Variants in FRMD5 observed in about 807,000 individuals in gnomAD.
FRMD5 encodes FERM domain containing 5.
In FRMD5, 20 loss-of-function variants were observed where a neutral mutation model predicts 69.0. That is an observed-to-expected ratio of 0.29 (90% CI 0.20 to 0.42). FRMD5 has a LOEUF of 0.42. Ranked by LOEUF, FRMD5 falls within the 10% of genes least tolerant of loss-of-function variation. The pLI is 1.00. For missense variants in FRMD5, 595 were observed against 708.6 expected (o/e 0.84, Z 1.82); for synonymous variants, 271 against 260.1 (o/e 1.04, Z -0.40).
chr15:44,120,687 T>C (rs556919642), intron 1 of FRMD5, among the ~76,000 whole-genome samples: 1 of 50,988 alleles, frequency 2.0e-5, no homozygotes, highest in East Asian at 1.1e-3. Context: ...CACGCCCAGC[T>C]AATTTTTTTT....
chr15:44,047,019 A>C (rs1892455452), intron 1 of FRMD5, among the ~76,000 whole-genome samples: 1 of 152,072 alleles, frequency 6.6e-6, no homozygotes, highest in African/African-American at 2.4e-5. Context: ...TCAATGAAAA[A>C]ACTAAGGCCA....
intron 7 of FRMD5, among the ~76,000 whole-genome samples, chr15:43,898,355 T>C (rs552176287): frequency 6.8e-4 from 104 of 152,322 alleles, no homozygotes; most frequent in African/African-American, 2.4e-3. Context: ...ATATCCCTTC[T>C]TGTCTGCATC....
At chr15:44,124,618 G>A (rs1436380017) in intron 1 of FRMD5, among the ~76,000 whole-genome samples, 2 of 152,046 alleles carry the variant, frequency 1.3e-5, no homozygotes, top group South Asian at 4.1e-4. Context: ...AGAAGCACTT[G>A]AACCTGGGAG....
At chr15:44,120,394 T>C (rs564949452) in intron 1 of FRMD5, among the ~76,000 whole-genome samples, 29 of 152,116 alleles carry the variant, frequency 1.9e-4, no homozygotes, top group South Asian at 4.2e-4. Flanking sequence ...ATTTCAAAGA[T>C]AGAACCGACA....
intron 1 of FRMD5, among the ~76,000 whole-genome samples, chr15:44,162,263 C>CTTTTTT (rs11357741): frequency 8.0e-6 from 1 of 125,056 alleles, no homozygotes; most frequent in African/African-American, 2.9e-5. Flanking sequence ...CGTGCCAGGC[C>CTTTTTT]TTTTTTTTTT....
rs146906133 is a variant in FRMD5, at chr15:43,970,753, T to C, written c.103-46444A>G. On this transcript the variant is annotated intron_variant, in intron 1 of 13. Transcript: ENST00000417257. ...CAGGCGTGAGCCACCGTACCTGCCATACCCCATCTATTTCTGAAGTTCATT... is the reference window on the plus strand; with the variant it reads ...CAGGCGTGAGCCACCGTACCTGCCACACCCCATCTATTTCTGAAGTTCATT... Among the ~76,000 whole-genome samples, 1,139 of 152,308 alleles carry C rather than the reference T, an allele frequency of 7.5e-3. 22 individuals carry two copies. The highest frequency in any genetic ancestry group is 0.058 in the East Asian group (301 of 5,180).
chr15:44,152,846 ACTT>A (rs2077468200), intron 1 of FRMD5, among the ~76,000 whole-genome samples: 1 of 150,650 alleles, frequency 6.6e-6, no homozygotes, highest in South Asian at 2.1e-4. Context: ...TGTGGATCTG[ACTT>A]CTTTATTAAA....
intron 1 of FRMD5, among the ~76,000 whole-genome samples, chr15:43,959,095 C>A (rs2090158351): frequency 6.6e-6 from 1 of 152,234 alleles, no homozygotes. Context: ...CAAATTCAAA[C>A]AACCTCTAGT....
chr15:44,026,889 CATT>C (rs776664995), intron 1 of FRMD5, among the ~76,000 whole-genome samples: 4 of 152,214 alleles, frequency 2.6e-5, no homozygotes, highest in Non-Finnish European at 4.4e-5. Flanking sequence ...GTTCTTTCTT[CATT>C]GTCTACCAGT....
rs188543583 is a variant in FRMD5, at chr15:43,966,168, C to T, written c.103-41859G>A. Among the ~76,000 whole-genome samples the T allele has an allele frequency of 1.0e-3, 151 of 151,706 alleles. 1 individual carries two copies. The highest frequency in any genetic ancestry group is 3.5e-3 in the African/African-American group (144 of 41,400). On this transcript the variant is annotated intron_variant, in intron 1 of 13. Transcript: ENST00000417257. ...GTGGGCAGATCACTTGTCAGGAGTTCGAGACCAGCCTGACCAACGTGGTGA... is the reference window on the plus strand; with the variant it reads ...GTGGGCAGATCACTTGTCAGGAGTTTGAGACCAGCCTGACCAACGTGGTGA...
At chr15:43,905,768 C>T (rs534461415) in intron 6 of FRMD5, 60 bp downstream of exon 6, 2 of 1,603,588 alleles carry the variant, frequency 1.2e-6, no homozygotes, top group Non-Finnish European at 1.7e-6. Flanking sequence ...CGGCGTGGAG[C>T]CTGCGTGCTC....
At chr15:44,103,029 C>T (rs2076662771) in intron 1 of FRMD5, among the ~76,000 whole-genome samples, 1 of 152,192 alleles carries the variant, frequency 6.6e-6, no homozygotes, top group Non-Finnish European at 1.5e-5. Context: ...TTCCAAAAGT[C>T]ATGGTAGGGA....
chr15:43,893,868 T>G (rs570830405), intron 7 of FRMD5, among the ~76,000 whole-genome samples: 1 of 152,328 alleles, frequency 6.6e-6, no homozygotes, highest in African/African-American at 2.4e-5. Flanking sequence ...AGTTTTGCCT[T>G]AAAACTATCT....
At chr15:44,170,836 A>C (rs1302747416) in intron 1 of FRMD5, among the ~76,000 whole-genome samples, 3 of 152,240 alleles carry the variant, frequency 2.0e-5, no homozygotes, top group Non-Finnish European at 4.4e-5. Flanking sequence ...AAATTGAGTT[A>C]TATATTACTT....
chr15:44,141,789 A>G (rs1254734458), intron 1 of FRMD5, among the ~76,000 whole-genome samples: 1 of 152,106 alleles, frequency 6.6e-6, no homozygotes, highest in Non-Finnish European at 1.5e-5. Context: ...TGGTGACACA[A>G]CCTACCTCAG....
At chr15:43,883,285 A>T (rs982661749) in intron 13 of FRMD5, among the ~76,000 whole-genome samples, 16 of 152,030 alleles carry the variant, frequency 1.1e-4, no homozygotes, top group Admixed American at 1.3e-4. Flanking sequence ...TTTAGTAGAG[A>T]CAGGGTTTCA....
At chr15:43,948,771 C>T (rs1197572008) in intron 1 of FRMD5, among the ~76,000 whole-genome samples, 1 of 152,198 alleles carries the variant, frequency 6.6e-6, no homozygotes, top group Non-Finnish European at 1.5e-5. Context: ...TGTCCCCTAA[C>T]TAACATCTGT....
intron 1 of FRMD5, among the ~76,000 whole-genome samples, chr15:43,963,239 G>A (rs2140548802): frequency 1.3e-5 from 2 of 152,198 alleles, no homozygotes; most frequent in African/African-American, 2.4e-5. Flanking sequence ...ATCAAAAAGT[G>A]GGCAAAGGAT....
intron 5 of FRMD5, 62 bp downstream of exon 5, chr15:43,909,820 C>T: frequency 2.0e-6 from 2 of 998,790 alleles, no homozygotes; most frequent in Non-Finnish European, 3.1e-6. Flanking sequence ...TCAGTGCTAA[C>T]TGAAAATAAT....
Sources: allele counts gnomAD v4.1 joint callset (sites outside exome capture counted in the v4.1 genomes callset), GRCh38; gene constraint gnomAD v4.1.1; transcripts MANE v1.5; gene names NCBI Gene and HGNC (gene_info 2026-07-23, HGNC 2026-07-21).